CFAP299: variants seen among roughly 807,000 people sequenced by gnomAD.
CFAP299 encodes cilia- and flagella-associated protein 299.
CFAP299 carries 21 observed loss-of-function variants against 27.0 expected under a neutral mutation model. That is an observed-to-expected ratio of 0.78 (90% CI 0.55 to 1.12). CFAP299 has a LOEUF of 1.12. CFAP299 is among the 50% of genes most tolerant of loss of function. The pLI, the probability that CFAP299 is intolerant of heterozygous loss-of-function variation, is 0.00. For missense variants in CFAP299, 310 were observed against 276.6 expected, an observed-to-expected ratio of 1.12 and a Z score of -0.86; for synonymous variants, 104 against 98.1, an observed-to-expected ratio of 1.06 and a Z score of -0.36.
rs558471757 is a variant in CFAP299, at chr4:80,743,247, GA to G, written c.334-126736del. On this transcript the variant is annotated intron_variant, in intron 3 of 5. Transcript: ENST00000358105. ...CCTGTCTCTACTAAAAATACAAAAAGAAAAAAAAAAGTACTTGTTATTGCTA... is the reference window on the plus strand; with the variant it reads ...CCTGTCTCTACTAAAAATACAAAAAGAAAAAAAAAGTACTTGTTATTGCTA... Among the ~76,000 whole-genome samples, 744 of 140,580 alleles carry G rather than the reference GA, an allele frequency of 5.3e-3. 4 individuals carry two copies. The highest frequency in any genetic ancestry group is 0.026 in the Middle Eastern group (7 of 270). 92.2% of individuals were successfully genotyped at this position (140,580 alleles called of 152,430 possible). A position where few individuals can be genotyped will look rare whatever the true frequency, so the allele number is the denominator to read the frequency against.
In CFAP299 at chr4:80,646,986, A is replaced by AGT. The variant is rs763766141; in HGVS notation, c.333+63804_333+63805insTG. On this transcript the variant is annotated intron_variant, in intron 3 of 5. Coordinates refer to ENST00000358105, the MANE Select transcript of CFAP299 (RefSeq NM_152770.3). ...AATTCTTTGAGAGAGAGAGAGAGAG[A>AGT]GAGTGTGTGTGTGTGTGTGTGTGTG... 4.2e-3 allele frequency among the ~76,000 whole-genome samples: 209 copies of AGT among 49,188 alleles called. 1 individual carries two copies. Among genetic ancestry groups the AGT allele is most frequent in the African/African-American group, 9.3e-3 (190 of 20,502 alleles). The allele number at this position is 49,188 out of a possible 152,430, so 32.3% of individuals were successfully genotyped here.
chr4:80,701,415 G>A (rs942583443), intron 3 of CFAP299, among the ~76,000 whole-genome samples: 1 of 152,056 alleles, frequency 6.6e-6, no homozygotes, highest in Admixed American at 6.6e-5. Context: ...ATAGCTAAAT[G>A]TGTTGGTTTT....
chr4:80,620,266 C>T (rs1738512164), intron 3 of CFAP299, among the ~76,000 whole-genome samples: 1 of 152,100 alleles, frequency 6.6e-6, no homozygotes. Flanking sequence ...TATGTCACTA[C>T]CCTTGCTTGT....
chr4:80,507,139 A>G (rs995439047), intron 2 of CFAP299, among the ~76,000 whole-genome samples: 1 of 151,934 alleles, frequency 6.6e-6, no homozygotes, highest in Non-Finnish European at 1.5e-5. Flanking sequence ...GGCTGCTCAT[A>G]CTCTCATGGA....
intron 3 of CFAP299, among the ~76,000 whole-genome samples, chr4:80,856,578 G>A (rs928622482): frequency 6.6e-6 from 1 of 151,820 alleles, no homozygotes; most frequent in Non-Finnish European, 1.5e-5. Flanking sequence ...ATTAATTTTT[G>A]TATAAGGTGT....
intron 3 of CFAP299, among the ~76,000 whole-genome samples, chr4:80,669,513 C>T (rs1741348727): frequency 6.6e-6 from 1 of 150,390 alleles, no homozygotes; most frequent in African/African-American, 2.4e-5. Context: ...CACTGATTTT[C>T]ATATATTGAT....
chr4:80,931,792 GGTTTTCAAT>G (rs1736634353), intron 4 of CFAP299, among the ~76,000 whole-genome samples: 1 of 152,066 alleles, frequency 6.6e-6, no homozygotes, highest in Non-Finnish European at 1.5e-5. Context: ...CAAGCTCAAA[GGTTTTCAAT>G]CCTACTCTAA....
intron 3 of CFAP299, among the ~76,000 whole-genome samples, chr4:80,672,453 G>T (rs1741541225): frequency 6.6e-6 from 1 of 152,162 alleles, no homozygotes; most frequent in African/African-American, 2.4e-5. Flanking sequence ...AGGGATATTG[G>T]TCTAAAATTC....
chr4:80,348,610 G>A (rs915618286), intron 1 of CFAP299, among the ~76,000 whole-genome samples: 1 of 152,046 alleles, frequency 6.6e-6, no homozygotes. Context: ...AAGAGTTTGA[G>A]TGAGAACTTG....
intron 2 of CFAP299, among the ~76,000 whole-genome samples, chr4:80,385,452 T>A (rs528824343): frequency 1.3e-5 from 2 of 152,196 alleles, no homozygotes; most frequent in Non-Finnish European, 2.9e-5. Flanking sequence ...CTTTTCTTTT[T>A]TTTTTAATGA....
chr4:80,894,756 TCA>T (rs1339216264), intron 4 of CFAP299, among the ~76,000 whole-genome samples: 2 of 152,050 alleles, frequency 1.3e-5, no homozygotes, highest in African/African-American at 4.8e-5. Flanking sequence ...GCAGAATTAT[TCA>T]CAGTTTCTAA....
At chr4:80,336,772 C>T (rs1257220638) in intron 1 of CFAP299, 2 of 152,272 alleles carry the variant, frequency 1.3e-5, no homozygotes, top group East Asian at 3.8e-4. Flanking sequence ...GTGCTCTCCA[C>T]AGGACCCAGA....
intron 3 of CFAP299, among the ~76,000 whole-genome samples, chr4:80,724,961 T>A (rs1273149024): frequency 1.3e-5 from 2 of 151,122 alleles, no homozygotes; most frequent in Admixed American, 6.6e-5. Flanking sequence ...TCTTTCTGTT[T>A]TTTTGAGACA....
At chr4:80,348,226 C>T (rs867126608) in intron 1 of CFAP299, among the ~76,000 whole-genome samples, 3 of 152,112 alleles carry the variant, frequency 2.0e-5, no homozygotes, top group African/African-American at 7.2e-5. Context: ...ACACTCAGGA[C>T]GTCAGCATGG....
chr4:80,591,110 T>TA (rs1736733752), intron 3 of CFAP299, among the ~76,000 whole-genome samples: 5 of 128,310 alleles, frequency 3.9e-5, no homozygotes, highest in Admixed American at 3.1e-4. Context: ...AGGAAATTTT[T>TA]TTTTTTTTTT....
intron 3 of CFAP299, among the ~76,000 whole-genome samples, chr4:80,636,732 T>C (rs1394248358): frequency 6.6e-6 from 1 of 152,204 alleles, no homozygotes; most frequent in African/African-American, 2.4e-5. Context: ...GCCTACCTAA[T>C]GTTTTATCGG....
intron 2 of CFAP299, among the ~76,000 whole-genome samples, chr4:80,429,322 A>G (rs1727691454): frequency 6.9e-6 from 1 of 145,356 alleles, no homozygotes; most frequent in Non-Finnish European, 1.5e-5. Context: ...GAAAATACAT[A>G]TTTTACTTGT....
At chr4:80,412,009 A>G (rs1726743848) in intron 2 of CFAP299, among the ~76,000 whole-genome samples, 1 of 152,126 alleles carries the variant, frequency 6.6e-6, no homozygotes, top group African/African-American at 2.4e-5. Context: ...TCATCCAATG[A>G]ACTAGGGGCT....
At chr4:80,800,435 A>C (rs1299216904) in intron 3 of CFAP299, among the ~76,000 whole-genome samples, 1 of 63,050 alleles carries the variant, frequency 1.6e-5, no homozygotes, top group African/African-American at 6.7e-5. Context: ...TATATAATAT[A>C]TAATATATTG....
Sources: allele counts gnomAD v4.1 joint callset (sites outside exome capture counted in the v4.1 genomes callset), GRCh38; gene constraint gnomAD v4.1.1; transcripts MANE v1.5; gene names NCBI Gene and HGNC (gene_info 2026-07-23, HGNC 2026-07-21).